Variants in SLC2A7 observed in about 807,000 individuals in gnomAD.
The protein encoded by SLC2A7 is solute carrier family 2, facilitated glucose transporter member 7.
SLC2A7 carries 50 observed loss-of-function variants against 50.5 expected under a neutral mutation model. The observed-to-expected ratio is 0.99, with a 90% CI of 0.79 to 1.25. The LOEUF is 1.25. Among genes scored for constraint, SLC2A7 ranks in the 50% most tolerant of loss-of-function variants. SLC2A7 has a pLI of 0.00. For synonymous variants in SLC2A7, 308 were observed against 300.4 expected, an observed-to-expected ratio of 1.03 and a Z score of -0.26; for missense variants, 683 against 679.1, an observed-to-expected ratio of 1.01 and a Z score of -0.06.
rs535089010 is a variant in SLC2A7, at chr1:9,008,179, C to T, written c.1117-794G>A. Among the ~76,000 whole-genome samples the T allele has an allele frequency of 1.8e-4, 27 of 152,254 alleles. No individual in the cohort carries two copies. Among genetic ancestry groups the T allele is most frequent in the Admixed American group, 1.2e-3 (19 of 15,282 alleles). On this transcript the variant is annotated intron_variant, in intron 9 of 11. Coordinates refer to ENST00000400906, the MANE Select transcript of SLC2A7 (RefSeq NM_207420.3). This position sits in a 1 kb window ranked among gnomAD's most constrained non-coding sequence, Gnocchi z 5.9. ...TTCAGCCAAACTAACCGGGTGCCCC[C>T]AGATGAACTTCCCAGGGAACCCTGT...
At chr1:9,007,603 G>A (rs1315745959) in intron 9 of SLC2A7, among the ~76,000 whole-genome samples, 1 of 152,238 alleles carries the variant, frequency 6.6e-6, no homozygotes, top group Non-Finnish European at 1.5e-5. Context: ...CCTGATGAGC[G>A]TCATGGAGAA....
chr1:9,002,689 C>T (rs902706335), downstream of SLC2A7, among the ~76,000 whole-genome samples: 5 of 152,170 alleles, frequency 3.3e-5, no homozygotes, highest in African/African-American at 4.8e-5. Context: ...TGCTGAGCGC[C>T]GGTCCCCTGG....
At chr1:8,994,897 A>G in the SLC2A7 span, among the ~76,000 whole-genome samples, 3 of 151,730 alleles carry the variant, frequency 2.0e-5, no homozygotes, top group Non-Finnish European at 4.4e-5. Flanking sequence ...CAGCCTCCCA[A>G]GTAGCTGGGA....
chr1:9,015,389 C>T (rs1294331634), intron 5 of SLC2A7, 147 bp from the exon 6 acceptor site: 8 of 1,056,990 alleles, frequency 7.6e-6, no homozygotes, highest in Admixed American at 6.7e-5. Context: ...ATGGTTTCCA[C>T]ATTCAAAACG....
Position 9,026,277 on chromosome 1 carries a change from C to T in SLC2A7, c.51+18G>A, listed in dbSNP as rs1015148406. The T allele has an allele frequency of 3.7e-6, 6 of 1,607,642 alleles. No individual in the cohort carries two copies. The highest frequency in any genetic ancestry group is 5.1e-6 in the Non-Finnish European group (6 of 1,176,840). On this transcript the variant is annotated intron_variant, in intron 1 of 11. Transcript: ENST00000400906. The stretch of plus-strand genomic sequence containing the variant: ...GGTGGGAGAGGGACAGTGACAGGTT[C>T]CTAGTCTTGGCACTTACCCCCTCCC...
In SLC2A7 at chr1:9,017,750, C is replaced by T. The variant is rs570830748; in HGVS notation, c.589+473G>A. 9.2e-5 allele frequency among the ~76,000 whole-genome samples: 14 copies of T among 152,324 alleles called. 1 individual carries two copies. In the South Asian group the frequency reaches 1.9e-3, roughly 20 times the overall value. On this transcript the variant is annotated intron_variant, in intron 5 of 11. Coordinates refer to ENST00000400906, the MANE Select transcript of SLC2A7 (RefSeq NM_207420.3). ...CACACTCCTCTCTCCTAAATCTCCA[C>T]CACGACCCCCACTCGCTCTCAGGCA...
rs544288863 is a variant in SLC2A7, at chr1:9,007,364, A to T, written c.1138T>A (p.Tyr380Asn). ...GCAAAGACACAGATGATGCCGAGGT[A>T]GGACAGCTCGGGGACCCTGTTCTGT... The part of the protein sequence containing the change: ...LFQNRVPELS[Y>N]LGIICVFAYI... The change falls in exon 10 of 12, where the codon TAC becomes AAC. Residue 380 changes from tyrosine to asparagine, a missense_variant. Transcript: ENST00000400906. 8.1e-6 allele frequency: 13 copies of T among 1,614,078 alleles called. No homozygotes were observed. The highest frequency in any genetic ancestry group is 1.0e-5 in the Non-Finnish European group (12 of 1,180,018).
At chr1:9,018,455 TC>T (rs1037235464) in intron 4 of SLC2A7, 80 bp from the exon 5 acceptor site, 38 of 1,553,238 alleles carry the variant, frequency 2.4e-5, no homozygotes, top group Middle Eastern at 3.4e-4. Context: ...CGTTTCCTAA[TC>T]CCGGGGCTTC....
intron 3 of SLC2A7, among the ~76,000 whole-genome samples, chr1:9,022,017 C>T (rs961286778): frequency 1.3e-5 from 2 of 152,082 alleles, no homozygotes; most frequent in African/African-American, 2.4e-5. Context: ...TTCTTTCCAG[C>T]GCATAATGTA....
At chr1:9,007,074 GC>G (rs1298627884) in intron 10 of SLC2A7, among the ~76,000 whole-genome samples, 2 of 152,112 alleles carry the variant, frequency 1.3e-5, no homozygotes, top group South Asian at 2.1e-4. Context: ...CTGAGTCTGG[GC>G]CCCCCTGGGA....
At chr1:9,012,831 G>T (rs1237840372) in intron 8 of SLC2A7, among the ~76,000 whole-genome samples, 1 of 152,162 alleles carries the variant, frequency 6.6e-6, no homozygotes, top group East Asian at 1.9e-4. Context: ...ACCATGTATT[G>T]CAGTCACCAT....
chr1:9,015,283 C>A, intron 5 of SLC2A7, 41 bp from the exon 6 acceptor site: 1 of 1,528,644 alleles, frequency 6.5e-7, no homozygotes, highest in Non-Finnish European at 8.7e-7. Context: ...GGCCTGGGCA[C>A]CCCCTGGCCC....
intron 9 of SLC2A7, 143 bp downstream of exon 9, chr1:9,010,000 A>C: frequency 2.9e-6 from 2 of 679,196 alleles, no homozygotes; most frequent in Non-Finnish European, 5.2e-6. Context: ...AGGATGGGGC[A>C]TTGCAAAGTA....
intron 10 of SLC2A7, among the ~76,000 whole-genome samples, chr1:9,005,664 G>A (rs199953599): frequency 2.0e-4 from 31 of 151,784 alleles, no homozygotes; most frequent in African/African-American, 7.5e-4. Context: ...AAATTAGTCC[G>A]GCATGGTGGC....
chr1:9,025,136 T>G (rs1640977764), intron 1 of SLC2A7, 62 bp from the exon 2 acceptor site: 1 of 1,525,658 alleles, frequency 6.6e-7, no homozygotes, highest in African/African-American at 1.4e-5. Flanking sequence ...GTGGAGTGGC[T>G]GGGCCTCCAC....
At chr1:9,000,605 C>T (rs1640560636), downstream of SLC2A7, among the ~76,000 whole-genome samples, 2 of 152,116 alleles carry the variant, frequency 1.3e-5, no homozygotes, top group South Asian at 4.2e-4. Context: ...GGCAACAGAG[C>T]AAGACTCTGT....
intron 9 of SLC2A7, 117 bp from the exon 10 acceptor site, chr1:9,007,502 C>T: frequency 1.1e-6 from 1 of 878,214 alleles, no homozygotes; most frequent in Non-Finnish European, 1.8e-6. Flanking sequence ...TGTCTGGGCA[C>T]CTCCATGGAC....
rs924391432 is a variant in SLC2A7 at position 9,008,118 on chromosome 1, C to T, written c.1117-733G>A. ...GACCACCATCTCTGCTCCCAACTGC[C>T]GAGAGAACAGCCAATGCAAAACCGG... On this transcript the variant is annotated intron_variant, in intron 9 of 11. Transcript: ENST00000400906. This position sits in a 1 kb window ranked among gnomAD's most constrained non-coding sequence, Gnocchi z 5.9. 1.3e-5 allele frequency among the ~76,000 whole-genome samples: 2 copies of T among 152,026 alleles called. No homozygotes were observed. Among genetic ancestry groups the T allele is most frequent in the Admixed American group, 1.3e-4 (2 of 15,250 alleles).
rs1390332900 is a variant in SLC2A7 at position 9,003,005 on chromosome 1, G to A, written c.*295C>T. On this transcript the variant is annotated 3_prime_UTR_variant, in exon 12 of 12. Coordinates refer to ENST00000400906, the MANE Select transcript of SLC2A7 (RefSeq NM_207420.3). Reference sequence around the variant, plus strand: ...ACTTGAAAAGTTTTACTTTAAAAAAGTGCATCTATACATCATTTAAATTTT... The same window carrying A: ...ACTTGAAAAGTTTTACTTTAAAAAAATGCATCTATACATCATTTAAATTTT... Among the ~76,000 whole-genome samples, 2 of 152,230 alleles carry A rather than the reference G, an allele frequency of 1.3e-5. No individual in the cohort carries two copies. Among genetic ancestry groups the A allele is most frequent in the Non-Finnish European group, 2.9e-5 (2 of 68,038 alleles).
Sources: allele counts gnomAD v4.1 joint callset (sites outside exome capture counted in the v4.1 genomes callset), GRCh38; gene constraint gnomAD v4.1.1; non-coding constraint Gnocchi (gnomAD v3.1); transcripts MANE v1.5; gene names NCBI Gene and HGNC (gene_info 2026-07-23, HGNC 2026-07-21).